Variants in TNR observed in about 807,000 individuals in gnomAD.
The protein encoded by TNR is tenascin R, also known as tenascin-R.
A neutral mutation model predicts 150.4 loss-of-function variants in TNR; 45 were observed. The ratio of observed to expected loss-of-function variants is 0.30; its 90% CI spans 0.24 to 0.38. TNR has a LOEUF of 0.38. TNR is among the 10% of genes least tolerant of loss of function. The probability of loss-of-function intolerance (pLI) is 1.00; values close to 1 mark genes in which losing one functional copy is unlikely to be tolerated. For synonymous variants in TNR, 687 were observed against 678.4 expected (o/e 1.01, Z -0.20); for missense variants, 1,544 against 1,759.1 (o/e 0.88, Z 2.19).
At position 175,362,716 on chromosome 1, in the gene TNR, T is replaced by C. The variant is rs1255235601; in HGVS notation, c.2801A>G (p.Asn934Ser). The C allele has an allele frequency of 6.2e-7, 1 of 1,613,992 alleles. No homozygotes were observed. Among genetic ancestry groups the C allele is most frequent in the African/African-American group, 1.3e-5 (1 of 74,924 alleles). ...NPATEYEISL[N>S]SVRGREESER... is the part of the protein sequence containing the mutation. Reference sequence around the variant, plus strand: ...GCTTTCCTCCCTGCCCCGCACGCTGTTGAGGCTGATTTCGTATTCGGTAGC... The same window carrying C: ...GCTTTCCTCCCTGCCCCGCACGCTGCTGAGGCTGATTTCGTATTCGGTAGC... The change falls in exon 14 of 23, where the codon AAC (asparagine) becomes AGC (serine). Residue 934 changes from asparagine to serine, a missense_variant. Around this residue, in one of 2 missense-constraint regions of TNR, gnomAD observed 1,254 missense variants for 1,329.4 expected, o/e 0.94. Transcript: ENST00000367674.
intron 1 of TNR, among the ~76,000 whole-genome samples, chr1:175,593,204 T>C (rs1382934269): frequency 1.3e-5 from 2 of 152,160 alleles, no homozygotes; most frequent in Non-Finnish European, 2.9e-5. Flanking sequence ...AGAGGAACCA[T>C]CTACTTTTAC....
intron 1 of TNR, among the ~76,000 whole-genome samples, chr1:175,547,841 T>A (rs531718365): frequency 6.6e-6 from 1 of 152,182 alleles, no homozygotes; most frequent in African/African-American, 2.4e-5. Context: ...GCAGCTGGAA[T>A]TGACACTGTT....
intron 7 of TNR, among the ~76,000 whole-genome samples, chr1:175,390,993 G>A (rs377538826): frequency 2.0e-5 from 3 of 152,176 alleles, no homozygotes; most frequent in African/African-American, 7.2e-5. Flanking sequence ...GACACCAGAG[G>A]CTGACAAATG....
At chr1:175,396,076 A>G (rs907981648) in intron 5 of TNR, among the ~76,000 whole-genome samples, 1 of 152,228 alleles carries the variant, frequency 6.6e-6, no homozygotes, top group African/African-American at 2.4e-5. Context: ...CTCTATCAGG[A>G]GAAGGGGATG....
intron 1 of TNR, among the ~76,000 whole-genome samples, chr1:175,577,573 T>A (rs985964694): frequency 6.6e-6 from 1 of 152,084 alleles, no homozygotes; most frequent in African/African-American, 2.4e-5. Flanking sequence ...GAAGTACAAG[T>A]GGCTTGGAGG....
chr1:175,348,744 C>A (rs1229091819), intron 18 of TNR, among the ~76,000 whole-genome samples: 1 of 152,056 alleles, frequency 6.6e-6, no homozygotes, highest in Non-Finnish European at 1.5e-5. Context: ...GAAACTGTAT[C>A]CTCAACTAAT....
chr1:175,380,828 C>G (rs1480208169), intron 8 of TNR, among the ~76,000 whole-genome samples: 2 of 152,216 alleles, frequency 1.3e-5, no homozygotes, highest in Admixed American at 6.5e-5. Flanking sequence ...TAGTTCTTGC[C>G]TTTGACACTT....
chr1:175,605,715 T>C (rs1222573358), intron 1 of TNR, among the ~76,000 whole-genome samples: 1 of 152,170 alleles, frequency 6.6e-6, no homozygotes, highest in Non-Finnish European at 1.5e-5. Context: ...TTAAAGATTA[T>C]CTGGCCAATT....
chr1:175,698,348 C>T lies in TNR; in HGVS notation c.-165+44878G>A, dbSNP rs147369728. The stretch of plus-strand genomic sequence containing the variant: ...GGGAGGCCAAATCGAAAGGTGACAC[C>T]GAAGAGCAGACGTGAAGGAACCGAG... On this transcript the variant is annotated intron_variant, in intron 1 of 22. Transcript: ENST00000367674. Among the ~76,000 whole-genome samples the T allele has an allele frequency of 3.9e-5, 6 of 152,204 alleles. No homozygotes were observed. The South Asian group carries it at 1.0e-3, about 26-fold the overall frequency.
Position 175,386,145 on chromosome 1 carries a change from G to T in TNR, c.1664C>A (p.Pro555His), listed in dbSNP as rs138742753. ...GGCCTGCACTGAGTATTGGCTCAGGGGAGGCTGCAGCCGGAAGGTGGTCCT... is the reference window on the plus strand; with the variant it reads ...GGCCTGCACTGAGTATTGGCTCAGGTGAGGCTGCAGCCGGAAGGTGGTCCT... Reference protein sequence around the residue: ...GGRTTFRLQPPLSQYSVQALR... With the variant: ...GGRTTFRLQPHLSQYSVQALR... The change falls in exon 8 of 23, where the codon CCC becomes CAC. Residue 555 changes from proline to histidine, a missense_variant. By Grantham distance (77) the Pro-to-His change is moderately conservative. Transcript: ENST00000367674. 6 of 1,613,028 alleles carry T rather than the reference G, an allele frequency of 3.7e-6. No individual in the cohort carries two copies. Among genetic ancestry groups the T allele is most frequent in the Non-Finnish European group, 5.1e-6 (6 of 1,179,246 alleles).
chr1:175,629,734 G>A (rs1664266115), intron 1 of TNR, among the ~76,000 whole-genome samples: 1 of 152,142 alleles, frequency 6.6e-6, no homozygotes, highest in African/African-American at 2.4e-5. Flanking sequence ...TTTTACCAGT[G>A]GAAATAGGGT....
At chr1:175,567,251 G>A (rs2102215945) in intron 1 of TNR, among the ~76,000 whole-genome samples, 1 of 152,322 alleles carries the variant, frequency 6.6e-6, no homozygotes, top group Non-Finnish European at 1.5e-5. Flanking sequence ...AGCCTGGGAT[G>A]TATGCATTGG....
At chr1:175,375,483 G>A (rs1421565065) in intron 9 of TNR, among the ~76,000 whole-genome samples, 1 of 152,016 alleles carries the variant, frequency 6.6e-6, no homozygotes, top group East Asian at 1.9e-4. Context: ...TAATGGGGGG[G>A]GAGTGTTTGA....
At chr1:175,457,984 A>T (rs976625018) in intron 2 of TNR, among the ~76,000 whole-genome samples, 4 of 152,256 alleles carry the variant, frequency 2.6e-5, no homozygotes, top group African/African-American at 9.6e-5. Flanking sequence ...CGTTAACCAA[A>T]TAATACAAAT....
intron 1 of TNR, among the ~76,000 whole-genome samples, chr1:175,729,354 T>A (rs1389467938): frequency 6.6e-6 from 1 of 152,078 alleles, no homozygotes; most frequent in Non-Finnish European, 1.5e-5. Context: ...AATGGACAAT[T>A]TTCTTAAATA....
intron 9 of TNR, among the ~76,000 whole-genome samples, chr1:175,371,563 T>C (rs1652106314): frequency 6.6e-6 from 1 of 152,138 alleles, no homozygotes; most frequent in Admixed American, 6.5e-5. Context: ...TGGAAAAGAA[T>C]AATGACGAAG....
At chr1:175,429,706 T>A (rs544666765) in intron 2 of TNR, among the ~76,000 whole-genome samples, 113 of 152,172 alleles carry the variant, frequency 7.4e-4, no homozygotes, top group Non-Finnish European at 1.4e-3. Flanking sequence ...CAGGTTGGAA[T>A]AGGTGGAGAA....
chr1:175,541,562 A>G (rs879888578), intron 1 of TNR, among the ~76,000 whole-genome samples: 2 of 152,236 alleles, frequency 1.3e-5, no homozygotes, highest in Non-Finnish European at 2.9e-5. Flanking sequence ...CATTTGTAAC[A>G]AATCATTATA....
chr1:175,461,949 C>T (rs1344476227), intron 2 of TNR, among the ~76,000 whole-genome samples: 2 of 152,294 alleles, frequency 1.3e-5, no homozygotes, highest in East Asian at 3.9e-4. Flanking sequence ...AGCAGCACGA[C>T]CTTGGCGAAC....
Sources: allele counts gnomAD v4.1 joint callset (sites outside exome capture counted in the v4.1 genomes callset), GRCh38; gene constraint gnomAD v4.1.1; regional missense constraint gnomAD v4.1.1; transcripts MANE v1.5; gene names NCBI Gene and HGNC (gene_info 2026-07-23, HGNC 2026-07-21).